Variants in MED12L observed in about 807,000 individuals in gnomAD.
MED12L encodes mediator of RNA polymerase II transcription subunit 12-like protein.
Under a neutral mutation model 281.3 loss-of-function variants are expected in MED12L, and 60 were observed. That is an observed-to-expected ratio of 0.21 (90% confidence interval 0.17 to 0.26). The LOEUF (loss-of-function observed/expected upper bound fraction) is 0.26, where lower values mean the gene tolerates loss of function less well. MED12L is among the 10% of genes least tolerant of loss of function. MED12L has a pLI of 1.00. For synonymous variants in MED12L, 974 were observed against 987.2 expected (o/e 0.99, Z 0.25); for missense variants, 2,146 against 2,680.9 (o/e 0.80, Z 4.41).
At chr3:151,393,987 T>C (rs1022262685) in intron 38 of MED12L, among the ~76,000 whole-genome samples, 11 of 152,324 alleles carry the variant, frequency 7.2e-5, no homozygotes, top group South Asian at 2.1e-4. Flanking sequence ...GACTTTTTTT[T>C]CCCTAACTTT....
In MED12L at chr3:151,324,404, A is replaced by G. The variant is rs528083909; in HGVS notation, c.2251-25655A>G. Among the ~76,000 whole-genome samples the G allele has an allele frequency of 1.5e-3, 226 of 152,210 alleles. 1 individual carries two copies. The highest frequency in any genetic ancestry group is 5.4e-3 in the African/African-American group (224 of 41,540). On this transcript the variant is annotated intron_variant, in intron 16 of 44. Coordinates refer to ENST00000687756, the MANE Select transcript of MED12L (RefSeq NM_001393769.1). ...TATCGTTTTTGTGGGGTCAGGGAGCATGGGGGTGGCTACGGAAGTTTTGTA... is the reference window on the plus strand; with the variant it reads ...TATCGTTTTTGTGGGGTCAGGGAGCGTGGGGGTGGCTACGGAAGTTTTGTA...
At chr3:151,192,720 G>T (rs138505014) in intron 15 of MED12L, 66 bp downstream of exon 15, 4 of 975,716 alleles carry the variant, frequency 4.1e-6, no homozygotes, top group African/African-American at 3.2e-5. Flanking sequence ...AGCCTGTCTC[G>T]ATCCTTCTGT....
At chr3:151,115,892 T>C (rs1712697961) in intron 2 of MED12L, among the ~76,000 whole-genome samples, 1 of 151,562 alleles carries the variant, frequency 6.6e-6, no homozygotes, top group East Asian at 2.0e-4. Context: ...ACCCCATCTC[T>C]ACTAAAAGTA....
intron 5 of MED12L, among the ~76,000 whole-genome samples, chr3:151,132,163 A>C (rs913823216): frequency 2.0e-5 from 3 of 152,226 alleles, no homozygotes; most frequent in South Asian, 2.1e-4. Flanking sequence ...ATATTTTTAA[A>C]ATGTATGAAT....
At chr3:151,419,420 A>G (rs1717991108) in intron 43 of MED12L, among the ~76,000 whole-genome samples, 1 of 152,172 alleles carries the variant, frequency 6.6e-6, no homozygotes, top group Admixed American at 6.5e-5. Context: ...CTGGGAGGCT[A>G]GGCCAGTCTC....
At chr3:151,421,589 T>G (rs940563097) in intron 43 of MED12L, among the ~76,000 whole-genome samples, 1 of 152,074 alleles carries the variant, frequency 6.6e-6, no homozygotes, top group Non-Finnish European at 1.5e-5. Flanking sequence ...TTTTGTATTT[T>G]TAGTAGAGAT....
chr3:151,192,789 A>G, intron 15 of MED12L, 135 bp downstream of exon 15: 1 of 680,522 alleles, frequency 1.5e-6, no homozygotes, highest in Non-Finnish European at 2.6e-6. Context: ...TTCCTTTGGT[A>G]CAATTATCAT....
chr3:151,333,468 G>A (rs1328053263), intron 16 of MED12L, among the ~76,000 whole-genome samples: 2 of 152,284 alleles, frequency 1.3e-5, no homozygotes, highest in Non-Finnish European at 1.5e-5. Flanking sequence ...TCTCATTGTG[G>A]TTTTGATCTG....
chr3:151,090,044 T>A (rs1178882186), intron 2 of MED12L, among the ~76,000 whole-genome samples: 1 of 152,154 alleles, frequency 6.6e-6, no homozygotes, highest in Non-Finnish European at 1.5e-5. Flanking sequence ...CTGCATATTC[T>A]GTTCTGGTCT....
At chr3:151,345,586 C>T (rs912929266) in intron 16 of MED12L, among the ~76,000 whole-genome samples, 12 of 147,332 alleles carry the variant, frequency 8.1e-5, no homozygotes, top group African/African-American at 1.5e-4. Flanking sequence ...GGCACCATCT[C>T]GGCTCACTGC....
intron 5 of MED12L, among the ~76,000 whole-genome samples, chr3:151,151,180 G>C (rs1226173690): frequency 6.6e-6 from 1 of 151,544 alleles, no homozygotes; most frequent in East Asian, 1.9e-4. Flanking sequence ...TGGGACTACA[G>C]GCGCCCGCCA....
chr3:151,260,798 C>CT (rs1021931635), intron 16 of MED12L, among the ~76,000 whole-genome samples: 7 of 151,814 alleles, frequency 4.6e-5, no homozygotes, highest in South Asian at 2.1e-4. Flanking sequence ...TAACTGTAAT[C>CT]TTTTTTTTTC....
intron 16 of MED12L, among the ~76,000 whole-genome samples, chr3:151,287,991 C>G (rs944923319): frequency 9.2e-5 from 14 of 152,154 alleles, no homozygotes; most frequent in Middle Eastern, 3.2e-3. Flanking sequence ...TACTCTATCC[C>G]TTCCCAAATT....
At chr3:151,167,830 G>C (rs1250055478) in intron 11 of MED12L, among the ~76,000 whole-genome samples, 4 of 152,176 alleles carry the variant, frequency 2.6e-5, no homozygotes, top group African/African-American at 9.7e-5. Flanking sequence ...TGAATACTAA[G>C]ATTTTTAATA....
At chr3:151,254,918 G>C (rs1213467031) in intron 16 of MED12L, among the ~76,000 whole-genome samples, 1 of 152,210 alleles carries the variant, frequency 6.6e-6, no homozygotes, top group African/African-American at 2.4e-5. Context: ...TGTCGGAATA[G>C]TTGAGACTTG....
intron 5 of MED12L, among the ~76,000 whole-genome samples, chr3:151,153,570 T>C (rs940361294): frequency 7.1e-6 from 1 of 140,404 alleles, no homozygotes; most frequent in Non-Finnish European, 1.5e-5. Flanking sequence ...CTTTCTTTTT[T>C]TTTTTTTTTT....
chr3:151,289,603 G>A (rs907012671), intron 16 of MED12L, among the ~76,000 whole-genome samples: 1 of 152,156 alleles, frequency 6.6e-6, no homozygotes, highest in Non-Finnish European at 1.5e-5. Flanking sequence ...AAACTATCAT[G>A]GGTTAAGGGG....
At chr3:151,299,927 A>G (rs1745672179) in intron 16 of MED12L, 1 of 706,194 alleles carries the variant, frequency 1.4e-6, no homozygotes, top group Non-Finnish European at 2.6e-6. Context: ...GCTGTTTTAT[A>G]CATAAGGAAA....
At position 151,394,742 on chromosome 3, in the gene MED12L, G is replaced by A. The variant is rs759376940; in HGVS notation, c.5695G>A (p.Ala1899Thr). ...AAACATGCTACAGCGGCGCTCAGGCGCCATGATGCAGCCGCCTTCTCTTCA... is the reference window on the plus strand; with the variant it reads ...AAACATGCTACAGCGGCGCTCAGGCACCATGATGCAGCCGCCTTCTCTTCA... ...LSNMLQRRSG[A>T]MMQPPSLHAI... is the part of the protein sequence containing the mutation. The change falls in exon 39 of 45, where the codon GCC becomes ACC. Residue 1899 changes from alanine (A) to threonine (T), a missense_variant. Ala to Thr is a moderately conservative substitution (Grantham distance 58, BLOSUM62 0). Transcript: ENST00000687756. The A allele has an allele frequency of 2.8e-5, 45 of 1,614,136 alleles. No homozygotes were observed. The highest frequency in any genetic ancestry group is 5.5e-5 in the South Asian group (5 of 91,096).
Sources: allele counts gnomAD v4.1 joint callset (sites outside exome capture counted in the v4.1 genomes callset), GRCh38; gene constraint gnomAD v4.1.1; transcripts MANE v1.5; gene names NCBI Gene and HGNC (gene_info 2026-07-23, HGNC 2026-07-21).